Variants in CCDC158 observed in about 807,000 individuals in gnomAD.
CCDC158 encodes coiled-coil domain containing 158.
In CCDC158, 116 loss-of-function variants were observed where a neutral mutation model predicts 138.6. The ratio of observed to expected loss-of-function variants is 0.84; its 90% CI spans 0.72 to 0.98. CCDC158 has a LOEUF of 0.98. Ranked by LOEUF, CCDC158 falls within the 50% of genes least tolerant of loss-of-function variation. CCDC158 has a pLI of 0.00. For missense variants in CCDC158, 1,265 were observed against 1,306.1 expected (o/e 0.97, Z 0.48); for synonymous variants, 436 against 442.4 (o/e 0.99, Z 0.18).
chr4:76,352,030 A>C (rs1271297124), intron 16 of CCDC158: 2 of 415,286 alleles, frequency 4.8e-6, no homozygotes, highest in Non-Finnish European at 8.5e-6. Context: ...CGTAACTTTT[A>C]GTATGTGAAG....
chr4:76,324,511 A>G (rs1436312405), intron 23 of CCDC158, among the ~76,000 whole-genome samples: 1 of 152,098 alleles, frequency 6.6e-6, no homozygotes, highest in Admixed American at 6.6e-5. Flanking sequence ...TAAATAATAT[A>G]AAATATAGGT....
In CCDC158 at chr4:76,367,361, A is replaced by G. The variant is rs1055737836; in HGVS notation, c.1763T>C (p.Met588Thr). ...VGQHGRTAGA[M>T]QVEKAQLEKE... ...CTCCAGTTGAGCTTTTTCTACTTGC[A>G]TAGCTCCAGCAGTTCGTCCATGCTG... Residue 588 changes from methionine (M) to threonine (T), a missense_variant, in exon 12 of 25, where the codon ATG becomes ACG. Physicochemically the swap from Met to Thr is moderately conservative, Grantham distance 81. Coordinates refer to ENST00000682701, the MANE Select transcript of CCDC158 (RefSeq NM_001394954.1). 18 of 1,614,188 alleles carry G rather than the reference A, an allele frequency of 1.1e-5. No individual in the cohort carries two copies. The highest frequency in any genetic ancestry group is 1.5e-5 in the Non-Finnish European group (18 of 1,180,034).
At chr4:76,335,780 C>T (rs959342792) in intron 18 of CCDC158, among the ~76,000 whole-genome samples, 2 of 152,094 alleles carry the variant, frequency 1.3e-5, no homozygotes, top group Non-Finnish European at 2.9e-5. Context: ...GCCATGTTGC[C>T]CTGGATGATC....
chr4:76,413,167 T>G (rs1304863089), intron 1 of CCDC158, among the ~76,000 whole-genome samples: 4 of 151,944 alleles, frequency 2.6e-5, no homozygotes. Context: ...TTGGAATATC[T>G]CGGTGGAATG....
chr4:76,374,516 T>C (rs1725544064), intron 9 of CCDC158, among the ~76,000 whole-genome samples: 1 of 152,208 alleles, frequency 6.6e-6, no homozygotes, highest in Non-Finnish European at 1.5e-5. Context: ...TCCATTTTTT[T>C]CATCTGTAAT....
At chr4:76,400,013 A>G (rs918534173) in intron 3 of CCDC158, among the ~76,000 whole-genome samples, 4 of 152,180 alleles carry the variant, frequency 2.6e-5, no homozygotes, top group Non-Finnish European at 5.9e-5. Context: ...GGACCAGCAT[A>G]GGGCTTCTAT....
At chr4:76,365,822 G>A (rs1724602517) in intron 12 of CCDC158, among the ~76,000 whole-genome samples, 1 of 152,150 alleles carries the variant, frequency 6.6e-6, no homozygotes, top group Non-Finnish European at 1.5e-5. Flanking sequence ...GAAACTCTGG[G>A]AGCAGGCCAG....
At chr4:76,421,332 G>GGCATCC (rs1414914551), upstream of CCDC158, among the ~76,000 whole-genome samples, 2 of 152,140 alleles carry the variant, frequency 1.3e-5, no homozygotes, top group African/African-American at 4.8e-5. Flanking sequence ...CCGTCGCTGG[G>GGCATCC]GCATCCGAGC....
At chr4:76,366,308 TG>T (rs1724652530) in intron 12 of CCDC158, among the ~76,000 whole-genome samples, 1 of 152,208 alleles carries the variant, frequency 6.6e-6, no homozygotes, top group South Asian at 2.1e-4. Context: ...TTTAATGCAA[TG>T]AACTTGTTTA....
At chr4:76,330,067 G>C (rs946461529) in intron 21 of CCDC158, among the ~76,000 whole-genome samples, 1 of 152,216 alleles carries the variant, frequency 6.6e-6, no homozygotes, top group Admixed American at 6.5e-5. Context: ...GAAGGAAGCA[G>C]ATTTTTCTAG....
At chr4:76,340,580 A>T (rs1264965466) in intron 18 of CCDC158, among the ~76,000 whole-genome samples, 1 of 152,164 alleles carries the variant, frequency 6.6e-6, no homozygotes, top group Non-Finnish European at 1.5e-5. Flanking sequence ...ATCTTTGTGA[A>T]GCAGTGTTTT....
intron 12 of CCDC158, 98 bp downstream of exon 12, chr4:76,367,196 C>T (rs2110235138): frequency 2.3e-6 from 3 of 1,313,676 alleles, no homozygotes; most frequent in Non-Finnish European, 3.1e-6. Context: ...CCAACAGTTT[C>T]AGAGTGTCCA....
intron 20 of CCDC158, 139 bp downstream of exon 20, chr4:76,332,293 T>TA (rs1721074623): frequency 1.6e-6 from 1 of 620,686 alleles, no homozygotes; most frequent in South Asian, 1.9e-5. Flanking sequence ...AAATCTTTCT[T>TA]AAAGTCAGTT....
intron 16 of CCDC158, chr4:76,352,171 G>A (rs1398839333): frequency 1.2e-5 from 2 of 161,526 alleles, no homozygotes; most frequent in Non-Finnish European, 2.7e-5. Context: ...TTGGGAGGCC[G>A]AGGCAGGCAG....
Position 76,367,549 on chromosome 4 carries a change from C to G in CCDC158, c.1575G>C (p.Arg525=), listed in dbSNP as rs1381458170. Residue 525 remains arginine (R), a synonymous_variant, in exon 12 of 25, where the codon CGG becomes CGC. Coordinates refer to ENST00000682701, the MANE Select transcript of CCDC158 (RefSeq NM_001394954.1). Reference sequence around the variant, plus strand: ...GCAGCTCCTGCAATTTCAAGTCCACCCGGGAGCGGAGCTTTGTGATCTCTG... The same window carrying G: ...GCAGCTCCTGCAATTTCAAGTCCACGCGGGAGCGGAGCTTTGTGATCTCTG... ...TNAEITKLRS[R]VDLKLQELQH... 2 of 1,614,098 alleles carry G rather than the reference C, an allele frequency of 1.2e-6. No individual in the cohort carries two copies. The highest frequency in any genetic ancestry group is 2.2e-5 in the East Asian group (1 of 44,896).
intron 24 of CCDC158, among the ~76,000 whole-genome samples, chr4:76,317,544 A>G (rs1178238702): frequency 6.6e-6 from 1 of 152,218 alleles, no homozygotes; most frequent in East Asian, 1.9e-4. Flanking sequence ...GAGGACTTCA[A>G]TATTCCACTG....
At chr4:76,339,086 T>C (rs527730892) in intron 18 of CCDC158, among the ~76,000 whole-genome samples, 4 of 152,306 alleles carry the variant, frequency 2.6e-5, no homozygotes, top group East Asian at 3.9e-4. Context: ...AATGAAACCA[T>C]GAAACCTTCA....
chr4:76,313,582 G>T (rs1719093208), intron 24 of CCDC158, among the ~76,000 whole-genome samples: 1 of 152,138 alleles, frequency 6.6e-6, no homozygotes. Flanking sequence ...AAGCCACTGT[G>T]CCCAGCCTCA....
intron 4 of CCDC158, among the ~76,000 whole-genome samples, chr4:76,388,563 C>T (rs565653706): frequency 8.5e-5 from 13 of 152,264 alleles, no homozygotes; most frequent in South Asian, 2.1e-4. Flanking sequence ...TCAGCTTAGC[C>T]GCAGTAGAAA....
Sources: gnomAD v4.1 joint callset for allele counts (sites outside exome capture counted in the v4.1 genomes callset) on GRCh38, gnomAD v4.1.1 for gene constraint, MANE v1.5 for transcripts, NCBI Gene and HGNC (gene_info 2026-07-23, HGNC 2026-07-21) for gene names.